The following EEFSEC variants were observed in gnomAD, a reference collection of about 807,000 sequenced individuals.
EEFSEC encodes selenocysteine-specific elongation factor.
Under a neutral mutation model 42.1 loss-of-function variants are expected in EEFSEC, and 43 were observed. The observed-to-expected ratio is 1.02, with a 90% CI of 0.80 to 1.32. The LOEUF (loss-of-function observed/expected upper bound fraction) is 1.32, where lower values mean the gene tolerates loss of function less well. Among genes scored for constraint, EEFSEC ranks in the 40% most tolerant of loss-of-function variants. The probability of loss-of-function intolerance (pLI) is 0.00; values close to 1 mark genes in which losing one functional copy is unlikely to be tolerated. For synonymous variants in EEFSEC, 354 were observed against 339.1 expected, an observed-to-expected ratio of 1.04 and a Z score of -0.48; for missense variants, 745 against 803.6, an observed-to-expected ratio of 0.93 and a Z score of 0.88.
rs538458263 is a variant in EEFSEC at position 128,335,321 on chromosome 3, G to GTT, written c.787-5911_787-5910insTT. The stretch of plus-strand genomic sequence containing the variant: ...TATGATGAAAAACCAAGTGGGCAAG[G>GTT]TGCTAGAGAGTGACAGGGATAGGCC... On this transcript the variant is annotated intron_variant, in intron 4 of 6. Transcript: ENST00000254730. Among the ~76,000 whole-genome samples the GTT allele has an allele frequency of 1.4e-4, 21 of 152,348 alleles. No individual in the cohort carries two copies. In the South Asian group the frequency reaches 3.3e-3, roughly 24 times the overall value.
chr3:128,218,612 A>G (rs1158691864), intron 1 of EEFSEC, among the ~76,000 whole-genome samples: 4 of 152,160 alleles, frequency 2.6e-5, no homozygotes, highest in African/African-American at 9.7e-5. Context: ...TGAAGGAGTG[A>G]TTCCGGACTG....
chr3:128,384,916 G>A lies in EEFSEC; in HGVS notation c.1601-23153G>A, dbSNP rs138399465. Among the ~76,000 whole-genome samples the A allele has an allele frequency of 5.9e-5, 9 of 152,280 alleles. No homozygotes were observed. In the East Asian group the frequency reaches 1.7e-3, roughly 29 times the overall value. Reference sequence around the variant, plus strand: ...TGCCCGCACAAAAGCAGCAGTGGTGGGACAGGTCCCAGACCCCCCAGTTGC... The same window carrying A: ...TGCCCGCACAAAAGCAGCAGTGGTGAGACAGGTCCCAGACCCCCCAGTTGC... On this transcript the variant is annotated intron_variant, in intron 6 of 6. Transcript: ENST00000254730.
chr3:128,249,462 C>T (rs1050346262), intron 2 of EEFSEC, among the ~76,000 whole-genome samples: 7 of 152,096 alleles, frequency 4.6e-5, no homozygotes, highest in African/African-American at 1.7e-4. Context: ...ATTTTAGCCA[C>T]ATGTAAGTGT....
intron 4 of EEFSEC, chr3:128,336,765 C>G (rs1301157742): frequency 6.6e-6 from 1 of 152,250 alleles, no homozygotes; most frequent in Non-Finnish European, 1.5e-5. Context: ...TTTTTTCTCA[C>G]AGTACCTCCC....
chr3:128,281,496 TG>T (rs1276026594), intron 4 of EEFSEC, among the ~76,000 whole-genome samples: 3 of 152,096 alleles, frequency 2.0e-5, no homozygotes, highest in Admixed American at 1.3e-4. Flanking sequence ...AAGTTGGGGA[TG>T]GGGTGGATGA....
intron 4 of EEFSEC, among the ~76,000 whole-genome samples, chr3:128,268,661 G>A (rs1024388529): frequency 2.0e-5 from 3 of 152,080 alleles, no homozygotes; most frequent in African/African-American, 7.2e-5. Context: ...AAGACACGGA[G>A]AGTCACAGAG....
At chr3:128,403,224 C>T (rs1006018320) in intron 6 of EEFSEC, among the ~76,000 whole-genome samples, 4 of 152,060 alleles carry the variant, frequency 2.6e-5, no homozygotes, top group African/African-American at 9.7e-5. Flanking sequence ...AGGTGTGCCT[C>T]CCAGGTGGGT....
At chr3:128,221,111 C>T (rs2065857161) in intron 1 of EEFSEC, among the ~76,000 whole-genome samples, 1 of 152,200 alleles carries the variant, frequency 6.6e-6, no homozygotes, top group South Asian at 2.1e-4. Flanking sequence ...TGCAATTTAC[C>T]ATGTTTTTTC....
At chr3:128,375,864 A>G (rs74808299) in intron 6 of EEFSEC, among the ~76,000 whole-genome samples, 6,058 of 152,072 alleles carry the variant, frequency 0.04, 406 homozygotes, top group African/African-American at 0.14. Context: ...TGGATGAGTG[A>G]GTGAGTGGGC....
At chr3:128,224,996 G>C (rs2065894695) in intron 1 of EEFSEC, among the ~76,000 whole-genome samples, 1 of 152,138 alleles carries the variant, frequency 6.6e-6, no homozygotes, top group African/African-American at 2.4e-5. Flanking sequence ...TACTACACCT[G>C]GCTGCCCAGG....
At chr3:128,208,567 TGG>T (rs1436271979) in intron 1 of EEFSEC, among the ~76,000 whole-genome samples, 1 of 152,172 alleles carries the variant, frequency 6.6e-6, no homozygotes, top group Non-Finnish European at 1.5e-5. Context: ...GAAAATTCCT[TGG>T]GAAGGGGCTG....
At chr3:128,370,777 G>A (rs1362967820) in intron 6 of EEFSEC, among the ~76,000 whole-genome samples, 2 of 152,226 alleles carry the variant, frequency 1.3e-5, no homozygotes. Context: ...ACAGAAAGGA[G>A]CAAGCACTAT....
chr3:128,188,738 A>T (rs1202704885), intron 1 of EEFSEC, among the ~76,000 whole-genome samples: 1 of 152,152 alleles, frequency 6.6e-6, no homozygotes, highest in Non-Finnish European at 1.5e-5. Context: ...GGGCTGCCTC[A>T]TCTGCAAAGT....
intron 6 of EEFSEC, among the ~76,000 whole-genome samples, chr3:128,402,659 T>A (rs2999031): frequency 0.33 from 50,799 of 152,190 alleles, 10,523 homozygotes; most frequent in Non-Finnish European, 0.44. Flanking sequence ...TCTTCTGCCG[T>A]ATCTCAGACC....
chr3:128,325,751 A>T (rs566289803), intron 4 of EEFSEC, among the ~76,000 whole-genome samples: 1 of 152,340 alleles, frequency 6.6e-6, no homozygotes, highest in Non-Finnish European at 1.5e-5. Context: ...TATTTTAAAT[A>T]CATTTTTATA....
At chr3:128,161,114 G>A (rs1175838825) in intron 1 of EEFSEC, among the ~76,000 whole-genome samples, 3 of 152,156 alleles carry the variant, frequency 2.0e-5, no homozygotes, top group African/African-American at 4.8e-5. Context: ...TGACTGCACA[G>A]CCCATACGCT....
chr3:128,329,900 C>T (rs1409289758), intron 4 of EEFSEC, among the ~76,000 whole-genome samples: 1 of 152,226 alleles, frequency 6.6e-6, no homozygotes, highest in Non-Finnish European at 1.5e-5. Flanking sequence ...CTTTAAGACC[C>T]AGACCCACCT....
chr3:128,228,453 A>G (rs2065929058), intron 1 of EEFSEC, among the ~76,000 whole-genome samples: 1 of 152,096 alleles, frequency 6.6e-6, no homozygotes, highest in Non-Finnish European at 1.5e-5. Context: ...AGCATGGCTG[A>G]GTGAGGAGCT....
intron 1 of EEFSEC, among the ~76,000 whole-genome samples, chr3:128,201,699 A>G (rs557743350): frequency 6.6e-6 from 1 of 152,320 alleles, no homozygotes; most frequent in South Asian, 2.1e-4. Context: ...TTTGATAACC[A>G]AAAGTTTTGA....
Sources: gnomAD v4.1 joint callset for allele counts (sites outside exome capture counted in the v4.1 genomes callset) on GRCh38, gnomAD v4.1.1 for gene constraint, MANE v1.5 for transcripts, NCBI Gene and HGNC (gene_info 2026-07-23, HGNC 2026-07-21) for gene names.